Variants in PCDHGC5 observed in about 807,000 individuals in gnomAD.
PCDHGC5 encodes the protein protocadherin gamma-C5.
In PCDHGC5, 25 loss-of-function variants were observed where a neutral mutation model predicts 59.0. The observed-to-expected ratio is 0.42, with a 90% confidence interval of 0.31 to 0.59. The LOEUF is 0.59. Ranked by LOEUF, PCDHGC5 falls within the 20% of genes least tolerant of loss-of-function variation. The pLI is 0.13. For synonymous variants in PCDHGC5, 434 were observed against 505.5 expected, an observed-to-expected ratio of 0.86 and a Z score of 1.90; for missense variants, 1,067 against 1,206.4, an observed-to-expected ratio of 0.88 and a Z score of 1.71.
chr5:141,511,055 A>ATG lies in PCDHGC5; in HGVS notation c.2719_2720dup (p.Tyr908SerfsTer10). 1 of 1,614,218 alleles carries ATG rather than the reference A, an allele frequency of 6.2e-7. No individual in the cohort carries two copies. The highest frequency in any genetic ancestry group is 8.5e-7 in the Non-Finnish European group (1 of 1,180,026). On this transcript the variant is annotated frameshift_variant, in exon 4 of 4. Coordinates refer to ENST00000252087, the MANE Select transcript of PCDHGC5 (RefSeq NM_018929.3). LOFTEE classifies it high-confidence loss of function. Reference sequence around the variant, plus strand: ...CAGCACGTGCCCGACTACCGCCAGAATGTCTACATCCCAGGCAGCAATGCC... The same window carrying ATG: ...CAGCACGTGCCCGACTACCGCCAGAATGTGTCTACATCCCAGGCAGCAATGCC...
chr5:141,491,311 A>G lies in PCDHGC5; in HGVS notation c.2071A>G (p.Thr691Ala). Residue 691 changes from threonine (T) to alanine (A), a missense_variant, in exon 1 of 4, where the codon ACC (threonine) becomes GCC (alanine). Transcript: ENST00000252087. This position sits in a 1 kb window ranked among gnomAD's most constrained non-coding sequence, Gnocchi z 6.9. ...LIHPPERSDL[T>A]LYLIVALATV... The stretch of plus-strand genomic sequence containing the variant: ...ACACCCTCCTGAGCGTTCAGACCTT[A>G]CCCTTTACCTCATTGTGGCTCTAGC... 1 of 1,613,932 alleles carries G rather than the reference A, an allele frequency of 6.2e-7. No homozygotes were observed. Among genetic ancestry groups the G allele is most frequent in the Non-Finnish European group, 8.5e-7 (1 of 1,179,940 alleles).
intron 3 of PCDHGC5, among the ~76,000 whole-genome samples, chr5:141,507,802 T>G (rs886950696): frequency 6.6e-6 from 1 of 152,204 alleles, no homozygotes; most frequent in African/African-American, 2.4e-5. Context: ...GCCTGCGCCC[T>G]GGGGAACGGA....
chr5:141,502,475 A>G (rs1246548191), intron 2 of PCDHGC5, among the ~76,000 whole-genome samples: 1 of 150,884 alleles, frequency 6.6e-6, no homozygotes, highest in Non-Finnish European at 1.5e-5. Context: ...TTCCCGCAGC[A>G]TCACACTGGG....
intron 3 of PCDHGC5, among the ~76,000 whole-genome samples, chr5:141,507,809 C>T (rs866898784): frequency 2.0e-5 from 3 of 152,206 alleles, no homozygotes; most frequent in Non-Finnish European, 2.9e-5. Flanking sequence ...CCCTGGGGAA[C>T]GGACCCTGGG....
At position 141,511,482 on chromosome 5, in the gene PCDHGC5, C is replaced by A. The variant is rs761434245; in HGVS notation, c.*309C>A. ...CACACCCCGTTTAGTTACAGCTGAA[C>A]TCCTCCATCTTCCAAATCAATCAGG... On this transcript the variant is annotated 3_prime_UTR_variant, in exon 4 of 4. Coordinates refer to ENST00000252087, the MANE Select transcript of PCDHGC5 (RefSeq NM_018929.3). The A allele has an allele frequency of 2.4e-4, 113 of 464,462 alleles. No homozygotes were observed. Among genetic ancestry groups the A allele is most frequent in the Non-Finnish European group, 4.0e-4 (105 of 260,154 alleles). The allele number at this position is 464,462 out of a possible 1,614,324, so 28.8% of individuals were successfully genotyped here. A position where few individuals can be genotyped will look rare whatever the true frequency, so the allele number is the denominator to read the frequency against.
rs745989563 is a variant in PCDHGC5, at chr5:141,490,728, T to G, written c.1488T>G (p.Asn496Lys). The G allele has an allele frequency of 6.2e-7, 1 of 1,614,148 alleles. No individual in the cohort carries two copies. Among genetic ancestry groups the G allele is most frequent in the East Asian group, 2.2e-5 (1 of 44,882 alleles). ...NARLTYSIVG[N>K]QVQGAPASSF... ...GCCTCACCTACTCCATTGTAGGAAA[T>G]CAGGTTCAGGGAGCCCCAGCCTCCT... Residue 496 changes from asparagine (N) to lysine (K), a missense_variant, in exon 1 of 4, where the codon AAT (asparagine) becomes AAG (lysine). Asn to Lys is a moderately conservative substitution (Grantham distance 94). Transcript: ENST00000252087. The surrounding 1 kb of genome is among the most constrained non-coding windows in gnomAD (Gnocchi z 5.4).
chr5:141,501,442 T>C (rs1202229661), intron 2 of PCDHGC5, among the ~76,000 whole-genome samples: 1 of 152,016 alleles, frequency 6.6e-6, no homozygotes, highest in African/African-American at 2.4e-5. Context: ...ATTTCTTCCA[T>C]TTTTACTTTT....
intron 2 of PCDHGC5, among the ~76,000 whole-genome samples, chr5:141,495,601 G>C (rs1315613802): frequency 6.6e-6 from 1 of 152,004 alleles, no homozygotes; most frequent in Non-Finnish European, 1.5e-5. Context: ...CTTAGCTTCC[G>C]TCTTGATTGC....
chr5:141,495,424 A>G (rs927637242), intron 2 of PCDHGC5, among the ~76,000 whole-genome samples: 2 of 152,088 alleles, frequency 1.3e-5, no homozygotes, highest in Non-Finnish European at 2.9e-5. Flanking sequence ...CCCTCCTCCC[A>G]CTGTCCTCTG....
rs1027897777 is a variant in PCDHGC5, at chr5:141,510,812, C to T, written c.2609-135C>T. 151 of 1,531,674 alleles carry T rather than the reference C, an allele frequency of 9.9e-5. 1 individual carries two copies. The highest frequency in any genetic ancestry group is 2.5e-5 in the South Asian group (2 of 80,152). 94.9% of individuals were successfully genotyped at this position (1,531,674 alleles called of 1,614,324 possible). A position where few individuals can be genotyped will look rare whatever the true frequency, so the allele number is the denominator to read the frequency against. On this transcript the variant is annotated intron_variant, in intron 3 of 3. Coordinates refer to ENST00000252087, the MANE Select transcript of PCDHGC5 (RefSeq NM_018929.3). ...TGTGAAGAGAGACTACCTTGGTGAC[C>T]CCTATATTCCCAGTGCTCAGCGTGG...
intron 3 of PCDHGC5, 89 bp downstream of exon 3, chr5:141,505,570 C>G: frequency 6.3e-7 from 1 of 1,598,162 alleles, no homozygotes; most frequent in Admixed American, 1.7e-5. Context: ...GACTGGATGT[C>G]AAACCTGTGT....
intron 2 of PCDHGC5, among the ~76,000 whole-genome samples, chr5:141,503,269 C>T (rs1161751693): frequency 6.6e-6 from 1 of 152,116 alleles, no homozygotes; most frequent in Non-Finnish European, 1.5e-5. Flanking sequence ...ACCCCAGCAC[C>T]TGGCTCTGTG....
chr5:141,510,986 G>A lies in PCDHGC5; in HGVS notation c.2648G>A (p.Gly883Asp), dbSNP rs754203270. The A allele has an allele frequency of 6.2e-7, 1 of 1,614,166 alleles. No individual in the cohort carries two copies. The highest frequency in any genetic ancestry group is 8.5e-7 in the Non-Finnish European group (1 of 1,180,012). The change falls in exon 4 of 4, where the codon GGC becomes GAC. Residue 883 changes from glycine to aspartate, a missense_variant. Physicochemically the swap from Gly to Asp is moderately conservative, Grantham distance 94. Transcript: ENST00000252087. ...DGSSTLGGGA[G>D]TMGLSARYGP... ...AGCTCCACCCTGGGAGGGGGTGCCG[G>A]CACCATGGGATTGAGCGCCCGCTAC... is the stretch of plus-strand genomic sequence containing the variant.
At chr5:141,506,865 G>T (rs1403350484) in intron 3 of PCDHGC5, among the ~76,000 whole-genome samples, 1 of 152,186 alleles carries the variant, frequency 6.6e-6, no homozygotes, top group African/African-American at 2.4e-5. Flanking sequence ...GGACTGGTGG[G>T]TAGAGAACCA....
At chr5:141,505,576 T>C in intron 3 of PCDHGC5, 95 bp downstream of exon 3, 5 of 1,590,334 alleles carry the variant, frequency 3.1e-6, no homozygotes, top group Admixed American at 1.7e-5. Context: ...ATGTCAAACC[T>C]GTGTAGTTTC....
In PCDHGC5 at chr5:141,511,032, G is replaced by A; in HGVS notation, c.2694G>A (p.Gln898=). 1.2e-6 allele frequency: 2 copies of A among 1,614,228 alleles called. No homozygotes were observed. The highest frequency in any genetic ancestry group is 2.2e-5 in the East Asian group (1 of 44,888). The change falls in exon 4 of 4, where the codon CAG becomes CAA. Residue 898 remains glutamine, a synonymous_variant. Transcript: ENST00000252087. Reference sequence around the variant, plus strand: ...GCTACGGACCCCAGTTCACCCTGCAGCACGTGCCCGACTACCGCCAGAATG... The same window carrying A: ...GCTACGGACCCCAGTTCACCCTGCAACACGTGCCCGACTACCGCCAGAATG... ...SARYGPQFTL[Q]HVPDYRQNVY...
chr5:141,489,287 T>C lies in PCDHGC5; in HGVS notation c.47T>C (p.Leu16Pro). 1 of 1,573,410 alleles carries C rather than the reference T, an allele frequency of 6.4e-7. No individual in the cohort carries two copies. Among genetic ancestry groups the C allele is most frequent in the Non-Finnish European group, 8.6e-7 (1 of 1,159,858 alleles). ...CAGCTCGCTGGGAAATGGCAAGTGC[T>C]GTGCATGTTGTCCTTGTGCTGCTGG... ...LPQLAGKWQV[L>P]CMLSLCCWGW... Residue 16 changes from leucine (L) to proline (P), a missense_variant, in exon 1 of 4, where the codon CTG becomes CCG. Transcript: ENST00000252087. The surrounding 1 kb of genome is among the most constrained non-coding windows in gnomAD (Gnocchi z 4.5).
Position 141,490,109 on chromosome 5 carries a change from G to A in PCDHGC5, c.869G>A (p.Arg290Gln), listed in dbSNP as rs775286436. The A allele has an allele frequency of 3.4e-5, 55 of 1,614,114 alleles. No homozygotes were observed. Among genetic ancestry groups the A allele is most frequent in the African/African-American group, 8.0e-5 (6 of 74,940 alleles). ...SFGDHTSEAV[R>Q]NLFGLDPSSG... ...GGAGACCACACATCTGAGGCAGTGC[G>A]GAACCTCTTTGGCCTAGACCCTAGC... The change falls in exon 1 of 4, where the codon CGG becomes CAG. Residue 290 changes from arginine to glutamine, a missense_variant. By Grantham distance (43) the Arg-to-Gln change is conservative. Coordinates refer to ENST00000252087, the MANE Select transcript of PCDHGC5 (RefSeq NM_018929.3). This position sits in a 1 kb window ranked among gnomAD's most constrained non-coding sequence, Gnocchi z 5.4.
At position 141,490,782 on chromosome 5, in the gene PCDHGC5, ACGGATCTTTGCC is replaced by A; in HGVS notation, c.1544_1555del (p.Arg515_Ala518del). 6.2e-7 allele frequency: 1 copy of A among 1,614,054 alleles called. No individual in the cohort carries two copies. Among genetic ancestry groups the A allele is most frequent in the Non-Finnish European group, 8.5e-7 (1 of 1,179,952 alleles). ...TTGTGTATGTCAACCCAGAGGATGGACGGATCTTTGCCCAGCGTACCTTTGACTATGAATTGC... is the reference window on the plus strand; with the variant it reads ...TTGTGTATGTCAACCCAGAGGATGGACAGCGTACCTTTGACTATGAATTGC... On this transcript the variant is annotated inframe_deletion, in exon 1 of 4. Transcript: ENST00000252087. This position sits in a 1 kb window ranked among gnomAD's most constrained non-coding sequence, Gnocchi z 5.4.
Sources: gnomAD v4.1 joint callset for allele counts (sites outside exome capture counted in the v4.1 genomes callset) on GRCh38, gnomAD v4.1.1 for gene constraint, Gnocchi (gnomAD v3.1) non-coding constraint, MANE v1.5 for transcripts, NCBI Gene and HGNC (gene_info 2026-07-23, HGNC 2026-07-21) for gene names.